MAP2: variants seen among roughly 807,000 people sequenced by gnomAD.
MAP2 encodes the protein microtubule-associated protein 2.
Under a neutral mutation model 137.6 loss-of-function variants are expected in MAP2, and 14 were observed. The observed-to-expected ratio is 0.10, with a 90% confidence interval of 0.07 to 0.16. The LOEUF (loss-of-function observed/expected upper bound fraction) is 0.16, where lower values mean the gene tolerates loss of function less well. Among genes scored for constraint, MAP2 ranks in the 10% least tolerant of loss-of-function variants. The pLI is 1.00. For synonymous variants in MAP2, 786 were observed against 782.3 expected (o/e 1.00, Z -0.08); for missense variants, 2,088 against 2,191.5 (o/e 0.95, Z 0.94).
rs565019311 is a variant in MAP2, at chr2:209,641,413, A to T, written c.-29-11729A>T. Reference sequence around the variant, plus strand: ...TTAAATGTATGCTTATGTAAGAAAAATTTTTATTAAAATTATGATTAGAAT... The same window carrying T: ...TTAAATGTATGCTTATGTAAGAAAATTTTTTATTAAAATTATGATTAGAAT... On this transcript the variant is annotated intron_variant, in intron 4 of 15. Transcript: ENST00000682079. 2.1e-3 allele frequency among the ~76,000 whole-genome samples: 326 copies of T among 152,176 alleles called. 3 individuals are homozygous for T. Among genetic ancestry groups the T allele is most frequent in the African/African-American group, 6.9e-3 (286 of 41,528 alleles).
At position 209,692,822 on chromosome 2, in the gene MAP2, G is replaced by C; in HGVS notation, c.652G>C (p.Glu218Gln). The C allele has an allele frequency of 1.2e-5, 20 of 1,612,366 alleles. No homozygotes were observed. The highest frequency in any genetic ancestry group is 1.7e-5 in the Non-Finnish European group (20 of 1,179,540). ...PDKKDMQGTE[E>Q]EKAPLALFGH... ...TAAAAAGGACATGCAAGGCACGGAA[G>C]AAGAAAAAGCACCCCTAGCTTTGTT... Residue 218 changes from glutamate (E) to glutamine (Q), a missense_variant, in exon 8 of 16, where the codon GAA becomes CAA. Glu to Gln is a conservative substitution (Grantham distance 29, BLOSUM62 2). This residue lies in a region of MAP2 where 859 missense variants were observed against 794.5 expected (regional missense o/e 1.08). Transcript: ENST00000682079.
At chr2:209,683,102 C>T (rs2055442520) in intron 7 of MAP2, among the ~76,000 whole-genome samples, 1 of 152,044 alleles carries the variant, frequency 6.6e-6, no homozygotes, top group Non-Finnish European at 1.5e-5. Context: ...GGGAATTCAC[C>T]CAGCCTGCTT....
intron 3 of MAP2, among the ~76,000 whole-genome samples, chr2:209,613,812 C>T (rs1330427006): frequency 1.3e-5 from 2 of 152,144 alleles, no homozygotes; most frequent in African/African-American, 4.8e-5. Flanking sequence ...TTTGTGCCTG[C>T]AAATACCAAA....
At chr2:209,483,262 G>A (rs563316927) in intron 1 of MAP2, among the ~76,000 whole-genome samples, 14 of 152,144 alleles carry the variant, frequency 9.2e-5, no homozygotes, top group Non-Finnish European at 1.5e-5. Context: ...AAAATGAAAT[G>A]TCTGAAAGAA....
chr2:209,725,821 A>G, intron 14 of MAP2, 31 bp downstream of exon 14: 1 of 1,450,200 alleles, frequency 6.9e-7, no homozygotes, highest in Non-Finnish European at 9.4e-7. Flanking sequence ...AGTTTGAGAA[A>G]TATTTAACTG....
At chr2:209,691,141 G>GCCCC (rs3835775) in intron 7 of MAP2, among the ~76,000 whole-genome samples, 1 of 150,390 alleles carries the variant, frequency 6.6e-6, no homozygotes, top group African/African-American at 2.5e-5. Context: ...TTTTTTACCC[G>GCCCC]CCCCCCCTCA....
chr2:209,656,742 C>T (rs998166090), intron 5 of MAP2, among the ~76,000 whole-genome samples: 3 of 151,930 alleles, frequency 2.0e-5, no homozygotes, highest in African/African-American at 4.8e-5. Context: ...AAGTCTAAAG[C>T]GTAATTTTTA....
At chr2:209,670,642 G>A (rs1035946012) in intron 5 of MAP2, among the ~76,000 whole-genome samples, 14 of 151,850 alleles carry the variant, frequency 9.2e-5, no homozygotes, top group African/African-American at 3.1e-4. Flanking sequence ...AAACAAGATT[G>A]TGGGTTTGAG....
At chr2:209,521,368 T>G (rs530242864) in intron 2 of MAP2, among the ~76,000 whole-genome samples, 9 of 152,078 alleles carry the variant, frequency 5.9e-5, no homozygotes, top group Middle Eastern at 6.8e-3. Flanking sequence ...CAATTGATGG[T>G]TTTTAAAAGT....
At chr2:209,638,740 T>A (rs2093768434) in intron 4 of MAP2, among the ~76,000 whole-genome samples, 1 of 152,186 alleles carries the variant, frequency 6.6e-6, no homozygotes, top group South Asian at 2.1e-4. Context: ...TATTATTGCA[T>A]TTACTGTGTT....
At chr2:209,653,016 AT>A (rs2094910485) in intron 4 of MAP2, 125 bp from the exon 5 acceptor site, 1 of 621,332 alleles carries the variant, frequency 1.6e-6, no homozygotes, top group Non-Finnish European at 2.7e-6. Flanking sequence ...AACATAGGTT[AT>A]TGTACATGTT....
chr2:209,546,130 G>A (rs2068015101), intron 2 of MAP2, among the ~76,000 whole-genome samples: 1 of 152,082 alleles, frequency 6.6e-6, no homozygotes, highest in African/African-American at 2.4e-5. Flanking sequence ...GCAACAGCGT[G>A]AGACTCCGTC....
intron 1 of MAP2, among the ~76,000 whole-genome samples, chr2:209,482,665 AC>A (rs1439022353): frequency 7.2e-5 from 11 of 152,132 alleles, no homozygotes; most frequent in Non-Finnish European, 1.5e-4. Flanking sequence ...GGAAATTATT[AC>A]CCCCATTCTA....
At chr2:209,648,099 C>A (rs1415986796) in intron 4 of MAP2, among the ~76,000 whole-genome samples, 4 of 143,656 alleles carry the variant, frequency 2.8e-5, no homozygotes, top group Non-Finnish European at 3.0e-5. Context: ...GTTTAAACGT[C>A]TTGGATTTTT....
chr2:209,725,564 T>C (rs2153812152), intron 13 of MAP2, 145 bp from the exon 14 acceptor site: 1 of 438,288 alleles, frequency 2.3e-6, no homozygotes, highest in East Asian at 3.6e-5. Flanking sequence ...TATGTCTTCC[T>C]CTGTTTGTGT....
At chr2:209,575,637 A>G (rs2075257604) in intron 2 of MAP2, among the ~76,000 whole-genome samples, 1 of 152,092 alleles carries the variant, frequency 6.6e-6, no homozygotes, top group African/African-American at 2.4e-5. Context: ...AATATGGAAT[A>G]CAAAAACTTC....
chr2:209,483,986 T>C (rs2058048302), intron 1 of MAP2, among the ~76,000 whole-genome samples: 1 of 152,188 alleles, frequency 6.6e-6, no homozygotes, highest in African/African-American at 2.4e-5. Context: ...TTATCATCCC[T>C]GCAGGGAGCT....
chr2:209,610,791 G>A (rs1410923006), intron 3 of MAP2, among the ~76,000 whole-genome samples: 1 of 152,078 alleles, frequency 6.6e-6, no homozygotes, highest in East Asian at 1.9e-4. Context: ...AATTCTAAAG[G>A]TACAGAAACC....
chr2:209,460,504 G>C lies in MAP2; in HGVS notation c.-222+36228G>C, dbSNP rs371825037. ...TTCCCTTGGTAACTGGGATATGGGG[G>C]AACTAGGAGAAATGATCTTCCCTTT... On this transcript the variant is annotated intron_variant, in intron 1 of 15. Transcript: ENST00000682079. Among the ~76,000 whole-genome samples, 21 of 152,080 alleles carry C rather than the reference G, an allele frequency of 1.4e-4. 1 individual carries two copies. The East Asian group carries it at 2.1e-3, about 15-fold the overall frequency.
Sources: allele counts gnomAD v4.1 joint callset (sites outside exome capture counted in the v4.1 genomes callset), GRCh38; gene constraint gnomAD v4.1.1; regional missense constraint gnomAD v4.1.1; transcripts MANE v1.5; gene names NCBI Gene and HGNC (gene_info 2026-07-23, HGNC 2026-07-21).